SSBP2: variants seen among roughly 807,000 people sequenced by gnomAD.
SSBP2 encodes the protein single-stranded DNA-binding protein 2.
SSBP2 carries 17 observed loss-of-function variants against 61.8 expected under a neutral mutation model. That is an observed-to-expected ratio of 0.28 (90% confidence interval 0.19 to 0.41). The LOEUF is 0.41. Among genes scored for constraint, SSBP2 ranks in the 10% least tolerant of loss-of-function variants. SSBP2 has a pLI of 1.00. For synonymous variants in SSBP2, 139 were observed against 141.3 expected (o/e 0.98, Z 0.12); for missense variants, 310 against 458.7 (o/e 0.68, Z 2.96).
rs1003310561 is a variant in SSBP2 at position 81,692,923 on chromosome 5, A to C, written c.63-42584T>G. ...AAACTCTTAAAAGAAAATATTGAGG[A>C]GGCCAGGTGTGGTGGCTCACGCCTG... is the stretch of plus-strand genomic sequence containing the variant. On this transcript the variant is annotated intron_variant, in intron 1 of 16. Transcript: ENST00000320672. 2.6e-5 allele frequency among the ~76,000 whole-genome samples: 4 copies of C among 152,148 alleles called. No individual in the cohort carries two copies. The East Asian group carries it at 5.8e-4, about 22-fold the overall frequency.
chr5:81,637,383 G>A (rs1748337519), intron 2 of SSBP2, among the ~76,000 whole-genome samples: 1 of 152,134 alleles, frequency 6.6e-6, no homozygotes, highest in African/African-American at 2.4e-5. Context: ...GTGTGCTGTT[G>A]TTGCTTTCTT....
At chr5:81,520,609 C>A in intron 4 of SSBP2, among the ~76,000 whole-genome samples, 1 of 151,984 alleles carries the variant, frequency 6.6e-6, no homozygotes, top group South Asian at 2.1e-4. Flanking sequence ...ATGTATTATA[C>A]AATTTTTGTA....
At chr5:81,432,264 G>A (rs1762340525) in intron 15 of SSBP2, among the ~76,000 whole-genome samples, 1 of 152,034 alleles carries the variant, frequency 6.6e-6, no homozygotes, top group African/African-American at 2.4e-5. Context: ...GAATGGTGTA[G>A]GATCTCTAAC....
intron 15 of SSBP2, among the ~76,000 whole-genome samples, chr5:81,434,876 C>A (rs1762577148): frequency 6.6e-6 from 1 of 152,156 alleles, no homozygotes; most frequent in South Asian, 2.1e-4. Flanking sequence ...TAGTCAAAGA[C>A]TGAAAAAATC....
chr5:81,684,618 T>A (rs1180140207), intron 1 of SSBP2, among the ~76,000 whole-genome samples: 1 of 152,182 alleles, frequency 6.6e-6, no homozygotes, highest in African/African-American at 2.4e-5. Context: ...CTGGGTTTTA[T>A]ACATGCATGG....
At chr5:81,604,099 T>C (rs910633781) in intron 4 of SSBP2, among the ~76,000 whole-genome samples, 5 of 152,084 alleles carry the variant, frequency 3.3e-5, no homozygotes, top group Admixed American at 1.3e-4. Context: ...GAAAATGTTA[T>C]AAAGAAAATC....
chr5:81,703,109 A>G (rs1361602648), intron 1 of SSBP2, among the ~76,000 whole-genome samples: 2 of 152,242 alleles, frequency 1.3e-5, no homozygotes, highest in Non-Finnish European at 2.9e-5. Context: ...AAGTGGTTCA[A>G]TATTTAATCA....
intron 1 of SSBP2, among the ~76,000 whole-genome samples, chr5:81,702,784 GT>G (rs1007055203): frequency 3.3e-5 from 5 of 152,108 alleles, no homozygotes; most frequent in African/African-American, 1.2e-4. Flanking sequence ...TTTCCACTAT[GT>G]CCCCCTGAAG....
intron 4 of SSBP2, among the ~76,000 whole-genome samples, chr5:81,543,910 GAT>G (rs1434305138): frequency 2.0e-5 from 3 of 152,010 alleles, no homozygotes; most frequent in Admixed American, 2.0e-4. Context: ...AAATAAAATG[GAT>G]ATGTTTGCTG....
At chr5:81,628,209 T>A (rs1581203296) in intron 3 of SSBP2, among the ~76,000 whole-genome samples, 2 of 152,286 alleles carry the variant, frequency 1.3e-5, no homozygotes, top group East Asian at 3.9e-4. Context: ...CCATGGCAGA[T>A]TCACATGGCG....
At chr5:81,528,410 C>A (rs990612823) in intron 4 of SSBP2, among the ~76,000 whole-genome samples, 2 of 151,928 alleles carry the variant, frequency 1.3e-5, no homozygotes, top group African/African-American at 4.8e-5. Flanking sequence ...TCTTAAAGGA[C>A]ATTAAAGTAC....
chr5:81,720,667 CT>C (rs1755487790), intron 1 of SSBP2, among the ~76,000 whole-genome samples: 2 of 152,210 alleles, frequency 1.3e-5, no homozygotes, highest in African/African-American at 4.8e-5. Context: ...CACTTCCCCC[CT>C]CTCTGCCTCT....
At chr5:81,703,198 ATAACT>A (rs531762869) in intron 1 of SSBP2, among the ~76,000 whole-genome samples, 22 of 152,356 alleles carry the variant, frequency 1.4e-4, no homozygotes, top group African/African-American at 4.8e-4. Flanking sequence ...AATTAATTAA[ATAACT>A]TAATTGAAAT....
chr5:81,538,953 G>A (rs1177576023), intron 4 of SSBP2, among the ~76,000 whole-genome samples: 1 of 152,196 alleles, frequency 6.6e-6, no homozygotes, highest in African/African-American at 2.4e-5. Flanking sequence ...CTATTCTGCA[G>A]CCCATGGATC....
chr5:81,604,338 A>ATT (rs893547232), intron 4 of SSBP2, among the ~76,000 whole-genome samples: 4 of 151,466 alleles, frequency 2.6e-5, no homozygotes, highest in African/African-American at 9.7e-5. Context: ...ATCACTTGAC[A>ATT]TGTAACCTGA....
chr5:81,504,684 C>G (rs980759147), intron 5 of SSBP2, among the ~76,000 whole-genome samples: 1 of 152,116 alleles, frequency 6.6e-6, no homozygotes, highest in Non-Finnish European at 1.5e-5. Flanking sequence ...CTCCCTAGCC[C>G]TTATCACAAC....
At chr5:81,665,757 G>C (rs445253) in intron 1 of SSBP2, among the ~76,000 whole-genome samples, 58,527 of 152,064 alleles carry the variant, frequency 0.38, 11,744 homozygotes, top group Middle Eastern at 0.58. Context: ...TACCCGCCTT[G>C]GCCTCCCAAA....
intron 1 of SSBP2, among the ~76,000 whole-genome samples, chr5:81,750,540 C>T (rs1392484897): frequency 4.7e-5 from 7 of 148,788 alleles, no homozygotes; most frequent in Admixed American, 2.0e-4. Flanking sequence ...CGGCCCCGAC[C>T]CCGGCCGGCC....
intron 4 of SSBP2, among the ~76,000 whole-genome samples, chr5:81,525,657 C>T (rs1189651947): frequency 6.6e-6 from 1 of 151,968 alleles, no homozygotes; most frequent in East Asian, 1.9e-4. Context: ...ACTCCTGGTG[C>T]ATAGTTTTTC....
Sources: allele counts gnomAD v4.1 joint callset (sites outside exome capture counted in the v4.1 genomes callset), GRCh38; gene constraint gnomAD v4.1.1; transcripts MANE v1.5; gene names NCBI Gene and HGNC (gene_info 2026-07-23, HGNC 2026-07-21).